GOLGA3: variants seen among roughly 807,000 people sequenced by gnomAD.
GOLGA3 encodes the protein golgin A3.
GOLGA3 carries 75 observed loss-of-function variants against 169.4 expected under a neutral mutation model. That is an observed-to-expected ratio of 0.44 (90% confidence interval 0.37 to 0.54). The LOEUF (loss-of-function observed/expected upper bound fraction) is 0.54, where lower values mean the gene tolerates loss of function less well. Ranked by LOEUF, GOLGA3 falls within the 20% of genes least tolerant of loss-of-function variation. The pLI is 0.00. For synonymous variants in GOLGA3, 824 were observed against 822.4 expected, an observed-to-expected ratio of 1.00 and a Z score of -0.03; for missense variants, 1,899 against 1,930.0, an observed-to-expected ratio of 0.98 and a Z score of 0.30.
At position 132,769,626 on chromosome 12, in the gene GOLGA3, A is replaced by G. The variant is rs13254; in HGVS notation, c.*3479T>C. ...AACCAAGTTACGTTGTTTTTGGAAC[A>G]TCAGAAAAACAAGTAGTGACATCGT... On this transcript the variant is annotated 3_prime_UTR_variant, in exon 24 of 24. Coordinates refer to ENST00000450791, the MANE Select transcript of GOLGA3 (RefSeq NM_001389683.1). 124,984 of 152,290 alleles carry G rather than the reference A, an allele frequency of 0.82. 51,972 individuals are homozygous for G. The highest frequency in any genetic ancestry group is 0.95 in the African/African-American group (39,698 of 41,580). The allele number at this position is 152,290 out of a possible 1,614,324, so 9.4% of individuals were successfully genotyped here. A position where few individuals can be genotyped will look rare whatever the true frequency, so the allele number is the denominator to read the frequency against.
At chr12:132,809,112 C>CA (rs564887864) in intron 4 of GOLGA3, among the ~76,000 whole-genome samples, 121 of 152,278 alleles carry the variant, frequency 7.9e-4, no homozygotes, top group African/African-American at 2.7e-3. Context: ...GTCCACTGGA[C>CA]GGGGGCCCTT....
chr12:132,826,562 G>A (rs1012206408), intron 1 of GOLGA3, among the ~76,000 whole-genome samples: 3 of 151,714 alleles, frequency 2.0e-5, no homozygotes, highest in Non-Finnish European at 4.4e-5. Context: ...TAATTCCCCT[G>A]CTGGTGTCCA....
intron 13 of GOLGA3, among the ~76,000 whole-genome samples, chr12:132,788,452 C>T (rs964992403): frequency 3.4e-4 from 52 of 152,184 alleles, no homozygotes; most frequent in Admixed American, 1.4e-3. Context: ...CTCCGTCCCC[C>T]GCCTCTACCC....
At chr12:132,822,930 T>G (rs1950277066) in intron 1 of GOLGA3, among the ~76,000 whole-genome samples, 1 of 152,076 alleles carries the variant, frequency 6.6e-6, no homozygotes, top group African/African-American at 2.4e-5. Flanking sequence ...TCAAAAACAA[T>G]TTAAAAATTA....
chr12:132,783,673 G>A (rs577783002), intron 16 of GOLGA3, among the ~76,000 whole-genome samples: 18 of 152,214 alleles, frequency 1.2e-4, no homozygotes, highest in South Asian at 2.1e-4. Context: ...CCGCTCCTGG[G>A]TTCAAGCGGT....
chr12:132,813,786 A>G (rs1381601131), intron 3 of GOLGA3, among the ~76,000 whole-genome samples: 6 of 136,984 alleles, frequency 4.4e-5, no homozygotes, highest in Non-Finnish European at 9.1e-5. Context: ...GTGCAGTGGC[A>G]TGATCTCGGC....
chr12:132,771,135 T>C lies in GOLGA3; in HGVS notation c.*1970A>G, dbSNP rs1460346473. 2 of 152,682 alleles carry C rather than the reference T, an allele frequency of 1.3e-5. No individual in the cohort carries two copies. The highest frequency in any genetic ancestry group is 1.9e-4 in the East Asian group (1 of 5,204). The allele number at this position is 152,682 out of a possible 1,614,324, so 9.5% of individuals were successfully genotyped here. On this transcript the variant is annotated 3_prime_UTR_variant, in exon 24 of 24. Transcript: ENST00000450791. The stretch of plus-strand genomic sequence containing the variant: ...TTAACCCTGTACAAATGATATATTT[T>C]GGAAATTCCAATATTTGCTAGAGAA...
At chr12:132,793,845 C>T (rs529221360) in intron 11 of GOLGA3, among the ~76,000 whole-genome samples, 2 of 152,238 alleles carry the variant, frequency 1.3e-5, no homozygotes, top group Non-Finnish European at 2.9e-5. Flanking sequence ...CCTCAGCAAA[C>T]AGCTCTCAGT....
chr12:132,823,007 C>T lies in GOLGA3; in HGVS notation c.-183-696G>A, dbSNP rs773355801. 1.3e-4 allele frequency among the ~76,000 whole-genome samples: 20 copies of T among 152,222 alleles called. 1 individual carries two copies. Among genetic ancestry groups the T allele is most frequent in the Non-Finnish European group, 2.6e-4 (18 of 68,038 alleles). ...CTCTGCCCAAGGCCACGGCTCCTGC[C>T]GGCAGCCCCACCCCTTCAGGTTGGA... On this transcript the variant is annotated intron_variant, in intron 1 of 23. Transcript: ENST00000450791.
Position 132,784,299 on chromosome 12 carries a change from G to T in GOLGA3, c.3132C>A (p.Ile1044=). 6.2e-7 allele frequency: 1 copy of T among 1,607,244 alleles called. No homozygotes were observed. Among genetic ancestry groups the T allele is most frequent in the Non-Finnish European group, 8.5e-7 (1 of 1,179,434 alleles). The part of the protein sequence containing the change: ...SDSSLALHER[I]QALEAELQAV... ...CCTGCAGCTCCGCCTCCAGGGCCTG[G>T]ATCCTTTCCTAAGGGCCAAGATGGA... Residue 1044 remains isoleucine, a synonymous_variant, in exon 16 of 24, where the codon ATC becomes ATA. Coordinates refer to ENST00000450791, the MANE Select transcript of GOLGA3 (RefSeq NM_001389683.1).
intron 5 of GOLGA3, 43 bp downstream of exon 5, chr12:132,807,848 A>ACCCACCTCCACCCACCCCG (rs759433429): frequency 9.9e-6 from 1 of 101,226 alleles, no homozygotes; most frequent in Non-Finnish European, 1.9e-5. Context: ...TGTTGGCCCC[A>ACCCACCTCCACCCACCCCG]CCCACCTCCA....
In GOLGA3 at chr12:132,822,003, T is replaced by C. The variant is rs774955672; in HGVS notation, c.126A>G (p.Lys42=). ...AGGAACCTCACGACTTACACTGGACTTTGTCCTGCTGGTCAGGTGGCACCA... is the reference window on the plus strand; with the variant it reads ...AGGAACCTCACGACTTACACTGGACCTTGTCCTGCTGGTCAGGTGGCACCA... ...GPLVPPDQQD[K]VQCAEVNRAS... Residue 42 remains lysine (K), a synonymous_variant, in exon 2 of 24, where the codon AAA becomes AAG. Coordinates refer to ENST00000450791, the MANE Select transcript of GOLGA3 (RefSeq NM_001389683.1). 8.1e-6 allele frequency: 13 copies of C among 1,606,076 alleles called. No homozygotes were observed. In the South Asian group the frequency reaches 1.4e-4, roughly 18 times the overall value.
Position 132,807,304 on chromosome 12 carries a change from C to G in GOLGA3, c.1179-16G>C. On this transcript the variant is annotated splice_polypyrimidine_tract_variant and intron_variant, in intron 5 of 23. Transcript: ENST00000450791. ...CAAGGACACGCTGGGGACAAAGGCA[C>G]GGGTCAGGCCTGTGCGAGCCATCCT... The G allele has an allele frequency of 5.6e-6, 8 of 1,423,380 alleles. No homozygotes were observed. The highest frequency in any genetic ancestry group is 5.8e-6 in the Non-Finnish European group (6 of 1,035,770). 88.2% of individuals were successfully genotyped at this position (1,423,380 alleles called of 1,614,324 possible).
rs187181885 is a variant in GOLGA3, at chr12:132,814,476, C to T, written c.407-1057G>A. ...CTGGGAGAACCTGAAACGCCGGCAC[C>T]GTGGAGTTACAGGCAGTACCCAGCC... On this transcript the variant is annotated intron_variant, in intron 3 of 23. Transcript: ENST00000450791. Among the ~76,000 whole-genome samples, 147 of 152,282 alleles carry T rather than the reference C, an allele frequency of 9.7e-4. 2 individuals carry two copies. The highest frequency in any genetic ancestry group is 3.2e-3 in the African/African-American group (131 of 41,570).
At chr12:132,797,339 C>A (rs1047586121) in intron 9 of GOLGA3, among the ~76,000 whole-genome samples, 6 of 152,130 alleles carry the variant, frequency 3.9e-5, no homozygotes, top group African/African-American at 9.7e-5. Flanking sequence ...CAGCACAGAA[C>A]CTCCCTCCAT....
rs1948961510 is a variant in GOLGA3, at chr12:132,798,212, C to A, written c.1938+128G>T. On this transcript the variant is annotated intron_variant, in intron 9 of 23. Coordinates refer to ENST00000450791, the MANE Select transcript of GOLGA3 (RefSeq NM_001389683.1). Reference sequence around the variant, plus strand: ...GGGTCCCAAAGCCTTAACGAGCAGTCACTGCCCGCCATCCATGAGAATATT... The same window carrying A: ...GGGTCCCAAAGCCTTAACGAGCAGTAACTGCCCGCCATCCATGAGAATATT... 9 of 815,168 alleles carry A rather than the reference C, an allele frequency of 1.1e-5. No individual in the cohort carries two copies. The South Asian group carries it at 1.6e-4, about 15-fold the overall frequency. 50.5% of individuals were successfully genotyped at this position (815,168 alleles called of 1,614,324 possible). A position where few individuals can be genotyped will look rare whatever the true frequency, so the allele number is the denominator to read the frequency against.
chr12:132,800,391 C>T (rs371044275), intron 8 of GOLGA3, among the ~76,000 whole-genome samples: 10 of 151,082 alleles, frequency 6.6e-5, no homozygotes, highest in Admixed American at 5.3e-4. Flanking sequence ...CTACTCGGGA[C>T]GCTGAGGCAG....
chr12:132,777,682 C>T lies in GOLGA3; in HGVS notation c.3706G>A (p.Glu1236Lys), dbSNP rs146711021. ...KEHLVQKLQAEADDLQIREGK... is the reference protein window; with the variant it reads ...KEHLVQKLQAKADDLQIREGK... ...GGCACTCACTGAAGGTCGTCGGCCT[C>T]GGCCTGCAGCTTCTGCACCAGGTGT... The change falls in exon 19 of 24, where the codon GAG (glutamate) becomes AAG (lysine). Residue 1236 changes from glutamate (E) to lysine (K), a missense_variant. Transcript: ENST00000450791. This position sits in a 1 kb window ranked among gnomAD's most constrained non-coding sequence, Gnocchi z 4.7. 209 of 1,614,072 alleles carry T rather than the reference C, an allele frequency of 1.3e-4. No individual in the cohort carries two copies. In the African/African-American group the frequency reaches 2.0e-3, roughly 15 times the overall value.
intron 23 of GOLGA3, 64 bp from the exon 24 acceptor site, chr12:132,773,358 G>T: frequency 9.4e-7 from 1 of 1,060,058 alleles, no homozygotes; most frequent in Non-Finnish European, 1.3e-6. Context: ...CGCGCCACCT[G>T]TGGACAGCGT....
Sources: allele counts gnomAD v4.1 joint callset (sites outside exome capture counted in the v4.1 genomes callset), GRCh38; gene constraint gnomAD v4.1.1; non-coding constraint Gnocchi (gnomAD v3.1); transcripts MANE v1.5; gene names NCBI Gene and HGNC (gene_info 2026-07-23, HGNC 2026-07-21).